Variants in DGKB observed in about 807,000 individuals in gnomAD.
The protein encoded by DGKB is 90 kDa diacylglycerol kinase.
In DGKB, 67 loss-of-function variants were observed where a neutral mutation model predicts 114.3. The observed-to-expected ratio is 0.59, with a 90% CI of 0.48 to 0.72. The LOEUF (loss-of-function observed/expected upper bound fraction) is 0.72. Ranked by LOEUF, DGKB falls within the 30% of genes least tolerant of loss-of-function variation. The probability of loss-of-function intolerance (pLI) is 0.00; values close to 1 mark genes in which losing one functional copy is unlikely to be tolerated. For synonymous variants in DGKB, 398 were observed against 323.1 expected (o/e 1.23, Z -2.49); for missense variants, 907 against 975.2 (o/e 0.93, Z 0.93).
intron 13 of DGKB, among the ~76,000 whole-genome samples, chr7:14,657,842 G>C (rs1816172206): frequency 6.6e-6 from 1 of 151,700 alleles, no homozygotes; most frequent in South Asian, 2.1e-4. Context: ...TGTAGCATTG[G>C]GATTGTCATT....
Position 14,652,093 on chromosome 7 carries a change from C to G in DGKB, c.1134+20836G>C, listed in dbSNP as rs373147343. On this transcript the variant is annotated intron_variant, in intron 13 of 25. Coordinates refer to ENST00000402815, the MANE Select transcript of DGKB (RefSeq NM_001350709.2). ...TACTGCCCAAGGTAATTTACAGATTCAATGCCATCCCCATCAAGCTACCAA... is the reference window on the plus strand; with the variant it reads ...TACTGCCCAAGGTAATTTACAGATTGAATGCCATCCCCATCAAGCTACCAA... 2.9e-4 allele frequency among the ~76,000 whole-genome samples: 36 copies of G among 123,220 alleles called. 1 individual carries two copies. The South Asian group carries it at 9.7e-3, about 33-fold the overall frequency. The allele number at this position is 123,220 out of a possible 152,430, so 80.8% of individuals were successfully genotyped here. A position where few individuals can be genotyped will look rare whatever the true frequency, so the allele number is the denominator to read the frequency against.
intron 23 of DGKB, among the ~76,000 whole-genome samples, chr7:14,317,905 C>G (rs1287565925): frequency 2.7e-5 from 1 of 37,538 alleles, no homozygotes; most frequent in African/African-American, 8.4e-5. Flanking sequence ...GCTACAGTAA[C>G]CAAAACAGCA....
At chr7:14,192,750 G>A (rs1212681375) in intron 23 of DGKB, among the ~76,000 whole-genome samples, 1 of 151,808 alleles carries the variant, frequency 6.6e-6, no homozygotes, top group Non-Finnish European at 1.5e-5. Flanking sequence ...TTATTACATT[G>A]TAATATATAG....
intron 2 of DGKB, among the ~76,000 whole-genome samples, chr7:14,833,019 G>A (rs942280721): frequency 2.0e-5 from 3 of 151,944 alleles, no homozygotes; most frequent in African/African-American, 7.3e-5. Context: ...TTCCTGGATT[G>A]GGTGAGCCAC....
intron 21 of DGKB, among the ~76,000 whole-genome samples, chr7:14,423,287 T>C (rs1159077879): frequency 1.3e-5 from 2 of 152,076 alleles, no homozygotes; most frequent in Non-Finnish European, 2.9e-5. Context: ...ACCTTGCTAT[T>C]CAATTGCAAA....
chr7:14,712,306 G>C (rs1192508076), intron 6 of DGKB, among the ~76,000 whole-genome samples: 1 of 152,102 alleles, frequency 6.6e-6, no homozygotes, highest in Non-Finnish European at 1.5e-5. Context: ...GTTCTAGAAA[G>C]AGAACAACTA....
intron 23 of DGKB, among the ~76,000 whole-genome samples, chr7:14,335,689 T>C (rs543307424): frequency 2.0e-5 from 3 of 152,350 alleles, no homozygotes; most frequent in Admixed American, 1.3e-4. Flanking sequence ...GAATTTGAAA[T>C]ATATATAAAT....
intron 2 of DGKB, among the ~76,000 whole-genome samples, chr7:14,792,526 T>G (rs1840811648): frequency 6.6e-6 from 1 of 152,132 alleles, no homozygotes; most frequent in Non-Finnish European, 1.5e-5. Context: ...GAATCTTTTT[T>G]TTCTAATCTT....
In DGKB at chr7:14,825,034, A is replaced by G. The variant is rs1421771912; in HGVS notation, c.70+16160T>C. Reference sequence around the variant, plus strand: ...TGTGTATGTATATATATATATATATATATATATATATATATATATATATCA... The same window carrying G: ...TGTGTATGTATATATATATATATATGTATATATATATATATATATATATCA... On this transcript the variant is annotated intron_variant, in intron 2 of 25. Transcript: ENST00000402815. 5.7e-3 allele frequency among the ~76,000 whole-genome samples: 810 copies of G among 141,664 alleles called. 22 individuals are homozygous for G. Among genetic ancestry groups the G allele is most frequent in the African/African-American group, 0.019 (759 of 39,314 alleles). The allele number at this position is 141,664 out of a possible 152,430, so 92.9% of individuals were successfully genotyped here.
intron 16 of DGKB, among the ~76,000 whole-genome samples, chr7:14,608,227 AG>A (rs1688306468): frequency 1.3e-5 from 2 of 152,222 alleles, no homozygotes; most frequent in African/African-American, 4.8e-5. Context: ...TACATCAAAA[AG>A]TTAATTTACC....
chr7:14,866,698 T>C (rs1006028004), intron 1 of DGKB, among the ~76,000 whole-genome samples: 3 of 152,180 alleles, frequency 2.0e-5, no homozygotes, highest in Non-Finnish European at 4.4e-5. Context: ...TAAACATTCA[T>C]ATGCAGATTT....
chr7:14,891,545 C>T (rs939013986), intron 1 of DGKB, among the ~76,000 whole-genome samples: 4 of 151,488 alleles, frequency 2.6e-5, no homozygotes, highest in South Asian at 4.1e-4. Flanking sequence ...AACAAAGTGA[C>T]AATAGGTATT....
chr7:14,473,146 C>T (rs921890755), intron 21 of DGKB, among the ~76,000 whole-genome samples: 11 of 152,100 alleles, frequency 7.2e-5, no homozygotes, highest in Non-Finnish European at 1.5e-4. Context: ...TAGGCCCTCC[C>T]ATGATAGGCC....
At chr7:14,907,463 T>C (rs1278002339), upstream of DGKB, among the ~76,000 whole-genome samples, 1 of 152,052 alleles carries the variant, frequency 6.6e-6, no homozygotes, top group African/African-American at 2.4e-5. Context: ...CCCCACAGAG[T>C]GGTTGAGAGA....
At chr7:14,356,690 T>G (rs1423101756) in intron 21 of DGKB, among the ~76,000 whole-genome samples, 1 of 152,106 alleles carries the variant, frequency 6.6e-6, no homozygotes, top group African/African-American at 2.4e-5. Flanking sequence ...ATTATGATGT[T>G]AGGGTGTGGA....
upstream of DGKB, among the ~76,000 whole-genome samples, chr7:14,905,483 T>G (rs1426088757): frequency 1.3e-5 from 2 of 152,114 alleles, no homozygotes; most frequent in Admixed American, 6.6e-5. Flanking sequence ...CTCCCATCAC[T>G]AGATTTTCAG....
At chr7:14,187,966 A>T (rs538282236) in intron 23 of DGKB, among the ~76,000 whole-genome samples, 1 of 152,318 alleles carries the variant, frequency 6.6e-6, no homozygotes, top group South Asian at 2.1e-4. Context: ...AAAACAATTC[A>T]TGATCCGAAT....
rs79394572 is a variant in DGKB, at chr7:14,671,736, T to A, written c.1134+1193A>T. On this transcript the variant is annotated intron_variant, in intron 13 of 25. Coordinates refer to ENST00000402815, the MANE Select transcript of DGKB (RefSeq NM_001350709.2). ...CTCATCTTAGAGTTAAAATCTGAGA[T>A]CAAAAATGCATCTAAACCAGTAAAA... is the stretch of plus-strand genomic sequence containing the variant. Among the ~76,000 whole-genome samples the A allele has an allele frequency of 5.2e-3, 796 of 152,040 alleles. 9 individuals are homozygous for A. Among genetic ancestry groups the A allele is most frequent in the African/African-American group, 0.018 (745 of 41,484 alleles).
intron 2 of DGKB, among the ~76,000 whole-genome samples, chr7:14,759,115 G>A (rs1224496575): frequency 6.6e-6 from 1 of 152,062 alleles, no homozygotes; most frequent in Non-Finnish European, 1.5e-5. Context: ...AGTAGAGACA[G>A]GGTTTCACCA....
Sources: gnomAD v4.1 joint callset for allele counts (sites outside exome capture counted in the v4.1 genomes callset) on GRCh38, gnomAD v4.1.1 for gene constraint, MANE v1.5 for transcripts, NCBI Gene and HGNC (gene_info 2026-07-23, HGNC 2026-07-21) for gene names.